Variants in ADAM15 observed in about 807,000 individuals in gnomAD.
ADAM15 encodes ADAM metallopeptidase domain 15, also known as disintegrin and metalloproteinase domain-containing protein 15.
A neutral mutation model predicts 113.8 loss-of-function variants in ADAM15; 77 were observed. The ratio of observed to expected loss-of-function variants is 0.68; its 90% CI spans 0.56 to 0.82. ADAM15 has a LOEUF of 0.82. ADAM15 is among the 40% of genes least tolerant of loss of function. The probability of loss-of-function intolerance (pLI) is 0.00; values close to 1 mark genes in which losing one functional copy is unlikely to be tolerated. For synonymous variants in ADAM15, 388 were observed against 454.1 expected, an observed-to-expected ratio of 0.85 and a Z score of 1.85; for missense variants, 963 against 1,120.1, an observed-to-expected ratio of 0.86 and a Z score of 2.00.
At position 155,057,939 on chromosome 1, in the gene ADAM15, C is replaced by G; in HGVS notation, c.1505C>G (p.Pro502Arg). The G allele has an allele frequency of 6.2e-7, 1 of 1,612,602 alleles. No homozygotes were observed. Among genetic ancestry groups the G allele is most frequent in the African/African-American group, 1.3e-5 (1 of 75,062 alleles). Residue 502 changes from proline to arginine, a missense_variant, in exon 14 of 23, where the codon CCT (proline) becomes CGT (arginine). Physicochemically the swap from Pro to Arg is moderately radical, Grantham distance 103 (BLOSUM62 -2). Transcript: ENST00000356955. This position sits in a 1 kb window ranked among gnomAD's most constrained non-coding sequence, Gnocchi z 5.0. ...FCPGDSSQCP[P>R]DVSLGDGEPC... ...CCAGGAGACAGCTCCCAGTGTCCCC[C>G]TGATGTCAGCCTAGGGGATGGCGAG...
rs534585251 is a variant in ADAM15, at chr1:155,056,069, C to G, written c.745-11C>G. On this transcript the variant is annotated splice_polypyrimidine_tract_variant and intron_variant, in intron 8 of 22. Coordinates refer to ENST00000356955, the MANE Select transcript of ADAM15 (RefSeq NM_207197.3). This position sits in a 1 kb window ranked among gnomAD's most constrained non-coding sequence, Gnocchi z 4.0. Reference sequence around the variant, plus strand: ...TGGCAACCCCTCTTCTGAGCCCCAGCTGTCTTTCAGTTCTTCCGGCCCCTG... The same window carrying G: ...TGGCAACCCCTCTTCTGAGCCCCAGGTGTCTTTCAGTTCTTCCGGCCCCTG... 1.9e-6 allele frequency: 3 copies of G among 1,612,678 alleles called. No individual in the cohort carries two copies. The South Asian group carries it at 3.3e-5, about 18-fold the overall frequency.
chr1:155,054,862 C>T (rs1220752221), intron 6 of ADAM15, among the ~76,000 whole-genome samples: 1 of 151,930 alleles, frequency 6.6e-6, no homozygotes, highest in Non-Finnish European at 1.5e-5. Context: ...AGAGTGAGAC[C>T]TCGTCTCAAA....
At chr1:155,052,631 A>G (rs1473435389) in intron 1 of ADAM15, 40 bp from the exon 2 acceptor site, 6 of 1,568,854 alleles carry the variant, frequency 3.8e-6, no homozygotes, top group Non-Finnish European at 5.2e-6. Context: ...CCTGCTGTCG[A>G]TTCCCTCAGT....
chr1:155,061,749 C>T, intron 20 of ADAM15, 155 bp from the exon 21 acceptor site: 1 of 922,158 alleles, frequency 1.1e-6, no homozygotes, highest in Non-Finnish European at 1.6e-6. Flanking sequence ...CCTGAGACAT[C>T]AGCTGGCATG....
Position 155,053,476 on chromosome 1 carries a change from G to A in ADAM15, c.246G>A (p.Leu82=). The change falls in exon 3 of 23, where the codon CTG becomes CTA. Residue 82 remains leucine (L), a synonymous_variant. Transcript: ENST00000356955. ...KLELDGDSHI[L]ELLQNRELVP... ...AGCTGGACGGTGACAGTCATATCCT[G>A]GAGCTGCTACAGAATAGGTAATAGT... The A allele has an allele frequency of 1.9e-6, 3 of 1,614,144 alleles. No homozygotes were observed. The highest frequency in any genetic ancestry group is 1.3e-5 in the African/African-American group (1 of 75,030).
intron 16 of ADAM15, among the ~76,000 whole-genome samples, chr1:155,059,215 C>G (rs1662214902): frequency 1.3e-5 from 2 of 152,132 alleles, no homozygotes; most frequent in South Asian, 2.1e-4. Context: ...TTACAGTCAC[C>G]CGCCACCATG....
chr1:155,057,107 T>C lies in ADAM15; in HGVS notation c.1148+6T>C. On this transcript the variant is annotated splice_donor_region_variant and intron_variant, in intron 11 of 22. Coordinates refer to ENST00000356955, the MANE Select transcript of ADAM15 (RefSeq NM_207197.3). This position sits in a 1 kb window ranked among gnomAD's most constrained non-coding sequence, Gnocchi z 5.0. ...ATCATGGAGGCCTCCACAGAGTAAG[T>C]AGCTGCAGGATGGAGAGAGGGTGTG... 1.9e-6 allele frequency: 3 copies of C among 1,569,056 alleles called. No homozygotes were observed. Among genetic ancestry groups the C allele is most frequent in the Non-Finnish European group, 2.6e-6 (3 of 1,155,590 alleles).
chr1:155,060,453 C>T, intron 18 of ADAM15, 110 bp downstream of exon 18: 2 of 1,481,492 alleles, frequency 1.3e-6, no homozygotes, highest in Non-Finnish European at 1.8e-6. Context: ...GCCCCTTGGA[C>T]CTTAAAGTTG....
chr1:155,054,299 TTTC>T lies in ADAM15; in HGVS notation c.420-12_420-10del. ...GCATGGAGCTGAAATGTTCTCTGAC[TTTC>T]TTTTTTCTTAGAGGCTTGGTGGTCC... is the stretch of plus-strand genomic sequence containing the variant. On this transcript the variant is annotated splice_polypyrimidine_tract_variant and intron_variant, in intron 5 of 22. Coordinates refer to ENST00000356955, the MANE Select transcript of ADAM15 (RefSeq NM_207197.3). 6.3e-7 allele frequency: 1 copy of T among 1,582,602 alleles called. No individual in the cohort carries two copies. The highest frequency in any genetic ancestry group is 8.6e-7 in the Non-Finnish European group (1 of 1,166,048).
At chr1:155,052,848 C>T (rs1661258859) in intron 2 of ADAM15, 71 bp downstream of exon 2, 2 of 1,522,828 alleles carry the variant, frequency 1.3e-6, no homozygotes, top group Non-Finnish European at 1.8e-6. Context: ...TGTCTCAAAG[C>T]CAAAGCTTGG....
intron 2 of ADAM15, 34 bp from the exon 3 acceptor site, chr1:155,053,383 T>G (rs979013168): frequency 3.1e-6 from 5 of 1,606,676 alleles, no homozygotes; most frequent in South Asian, 1.1e-5. Context: ...TGTGGACAGG[T>G]CTAGGGAGGT....
rs1662400617 is a variant in ADAM15, at chr1:155,060,338, G to T, written c.2202G>T (p.Gln734His). ...RLCQLKGPTCQYRAAQSGPSE... is the reference protein window; with the variant it reads ...RLCQLKGPTCHYRAAQSGPSE... Reference sequence around the variant, plus strand: ...GCCAGCTCAAGGGACCCACCTGCCAGTACAGGTATGAGCATCACCTCCCTG... The same window carrying T: ...GCCAGCTCAAGGGACCCACCTGCCATTACAGGTATGAGCATCACCTCCCTG... The change falls in exon 18 of 23, where the codon CAG becomes CAT. Residue 734 changes from glutamine (Q) to histidine (H), a missense_variant. Gln to His is a conservative substitution (Grantham distance 24). Transcript: ENST00000356955. 1 of 1,613,940 alleles carries T rather than the reference G, an allele frequency of 6.2e-7. No individual in the cohort carries two copies.
rs1662037839 is a variant in ADAM15 at position 155,058,050 on chromosome 1, C to T, written c.1616C>T (p.Ala539Val). Reference protein sequence around the residue: ...QQCQSLWGPGAQPAAPLCLQT... With the variant: ...QQCQSLWGPGVQPAAPLCLQT... ...TGCCAGTCACTTTGGGGACCTGGAG[C>T]CCAGCCCGCTGCGCCACTTTGCCTC... Residue 539 changes from alanine to valine, a missense_variant, in exon 14 of 23, where the codon GCC becomes GTC. Coordinates refer to ENST00000356955, the MANE Select transcript of ADAM15 (RefSeq NM_207197.3). The surrounding 1 kb of genome is among the most constrained non-coding windows in gnomAD (Gnocchi z 4.3). The T allele has an allele frequency of 6.2e-7, 1 of 1,614,102 alleles. No individual in the cohort carries two copies.
chr1:155,060,162 G>A (rs764014064), intron 17 of ADAM15, 43 bp from the exon 18 acceptor site: 1 of 1,608,572 alleles, frequency 6.2e-7, no homozygotes, highest in South Asian at 1.1e-5. Context: ...TGGATCTAGA[G>A]TTCTTAGCCC....
rs1164677820 is a variant in ADAM15, at chr1:155,058,362, G to T, written c.1838G>T (p.Ser613Ile). 6.2e-7 allele frequency: 1 copy of T among 1,613,880 alleles called. No homozygotes were observed. The highest frequency in any genetic ancestry group is 8.5e-7 in the Non-Finnish European group (1 of 1,180,048). ...GTGAATGGGACTGAGCTGAACTGCA[G>T]CTGGGTGCACCTGGACCTGGGCAGT... ...IDVNGTELNC[S>I]WVHLDLGSDV... Residue 613 changes from serine (S) to isoleucine (I), a missense_variant, in exon 15 of 23, where the codon AGC (serine) becomes ATC (isoleucine). Ser to Ile is a moderately radical substitution (Grantham distance 142, BLOSUM62 -2). Coordinates refer to ENST00000356955, the MANE Select transcript of ADAM15 (RefSeq NM_207197.3). The surrounding 1 kb of genome is among the most constrained non-coding windows in gnomAD (Gnocchi z 4.3).
Position 155,056,002 on chromosome 1 carries a change from T to G in ADAM15, c.744+2T>G, listed in dbSNP as rs1195544868. The G allele has an allele frequency of 2.5e-6, 4 of 1,613,694 alleles. No individual in the cohort carries two copies. The East Asian group carries it at 8.9e-5, about 36-fold the overall frequency. ...GAAGTGGCCCTCTTGCTGGACACAG[T>G]GAGTGCTGGACAGGGCAACCCCCAC... On this transcript the variant is annotated splice_donor_variant, in intron 8 of 22. Coordinates refer to ENST00000356955, the MANE Select transcript of ADAM15 (RefSeq NM_207197.3). LOFTEE classifies it high-confidence loss of function. This position sits in a 1 kb window ranked among gnomAD's most constrained non-coding sequence, Gnocchi z 4.0.
At chr1:155,060,668 G>A (rs2102422166) in intron 18 of ADAM15, 95 bp from the exon 19 acceptor site, 6 of 1,330,652 alleles carry the variant, frequency 4.5e-6, no homozygotes, top group Non-Finnish European at 6.4e-6. Flanking sequence ...ACACATAAGT[G>A]CCTGCAAAGG....
rs1662325479 is a variant in ADAM15 at position 155,059,843 on chromosome 1, G to C, written c.1996-59G>C. On this transcript the variant is annotated intron_variant, in intron 16 of 22. Coordinates refer to ENST00000356955, the MANE Select transcript of ADAM15 (RefSeq NM_207197.3). ...AGAAATCTGAGATCTTGAAAAGCTA[G>C]AGACAAGGAAATAGTTCCAGAGTGC... 4 of 1,558,190 alleles carry C rather than the reference G, an allele frequency of 2.6e-6. No homozygotes were observed. The Admixed American group carries it at 6.8e-5, about 27-fold the overall frequency.
At position 155,062,342 on chromosome 1, in the gene ADAM15, G is replaced by C; in HGVS notation, c.2522G>C (p.Gly841Ala). Residue 841 changes from glycine to alanine, a missense_variant, in exon 22 of 23, where the codon GGA becomes GCA. Transcript: ENST00000356955. The surrounding 1 kb of genome is among the most constrained non-coding windows in gnomAD (Gnocchi z 7.0). Reference sequence around the variant, plus strand: ...GGTGACCTGCCCGGCCCAGGGGCTGGAATCCCGCCCCTAGTGGTACCCTCC... The same window carrying C: ...GGTGACCTGCCCGGCCCAGGGGCTGCAATCCCGCCCCTAGTGGTACCCTCC... ...PSGDLPGPGA[G>A]IPPLVVPSRP... is the part of the protein sequence containing the mutation. The C allele has an allele frequency of 6.4e-7, 1 of 1,564,420 alleles. No individual in the cohort carries two copies. The highest frequency in any genetic ancestry group is 8.7e-7 in the Non-Finnish European group (1 of 1,153,452).
Sources: allele counts gnomAD v4.1 joint callset (sites outside exome capture counted in the v4.1 genomes callset), GRCh38; gene constraint gnomAD v4.1.1; non-coding constraint Gnocchi (gnomAD v3.1); transcripts MANE v1.5; gene names NCBI Gene and HGNC (gene_info 2026-07-23, HGNC 2026-07-21).